The following CLVS1 variants were observed in gnomAD, a reference collection of about 807,000 sequenced individuals.
The protein encoded by CLVS1 is clavesin-1.
In CLVS1, 10 loss-of-function variants were observed where a neutral mutation model predicts 33.1. The ratio of observed to expected loss-of-function variants is 0.30; its 90% confidence interval spans 0.19 to 0.51. CLVS1 has a LOEUF of 0.51. Ranked by LOEUF, CLVS1 falls within the 20% of genes least tolerant of loss-of-function variation. The pLI is 0.97. For synonymous variants in CLVS1, 163 were observed against 166.1 expected, an observed-to-expected ratio of 0.98 and a Z score of 0.14; for missense variants, 343 against 433.4, an observed-to-expected ratio of 0.79 and a Z score of 1.85.
chr8:61,205,275 C>T (rs575824542), intron 2 of CLVS1, among the ~76,000 whole-genome samples: 2 of 152,214 alleles, frequency 1.3e-5, no homozygotes, highest in South Asian at 4.2e-4. Flanking sequence ...AATTGACATT[C>T]TGTACATTAA....
At chr8:61,244,051 G>A (rs1196988964) in intron 2 of CLVS1, among the ~76,000 whole-genome samples, 1 of 152,152 alleles carries the variant, frequency 6.6e-6, no homozygotes, top group Non-Finnish European at 1.5e-5. Flanking sequence ...AGAACGCACA[G>A]AGTGGTGAAA....
the CLVS1 span, among the ~76,000 whole-genome samples, chr8:60,990,852 G>A: frequency 1.3e-4 from 20 of 151,972 alleles, no homozygotes; most frequent in Non-Finnish European, 2.9e-4. Context: ...GGGATTACAG[G>A]CACCCACCAC....
chr8:61,091,333 T>C (rs114971420), intron 1 of CLVS1, among the ~76,000 whole-genome samples: 3 of 152,336 alleles, frequency 2.0e-5, no homozygotes, highest in African/African-American at 7.2e-5. Context: ...CATAGAGGAC[T>C]CATTTTGCTC....
the CLVS1 span, among the ~76,000 whole-genome samples, chr8:61,030,008 C>T: frequency 6.6e-6 from 1 of 152,136 alleles, no homozygotes. Flanking sequence ...TGCAAGAGTC[C>T]CAGGCGCCAC....
the CLVS1 span, among the ~76,000 whole-genome samples, chr8:61,013,942 C>T: frequency 0.2 from 30,684 of 152,070 alleles, 5,430 homozygotes; most frequent in African/African-American, 0.48. Flanking sequence ...AGACAGGCCT[C>T]GGGCCTCCTG....
intron 3 of CLVS1, among the ~76,000 whole-genome samples, chr8:61,417,364 C>T (rs1379903879): frequency 6.6e-5 from 10 of 152,142 alleles, no homozygotes; most frequent in East Asian, 1.9e-4. Context: ...TTCTCCCAGA[C>T]GTTTTTTTCT....
At chr8:61,270,639 G>C (rs554458773) in intron 2 of CLVS1, among the ~76,000 whole-genome samples, 10 of 152,270 alleles carry the variant, frequency 6.6e-5, no homozygotes, top group Non-Finnish European at 1.3e-4. Flanking sequence ...GAATCCATCT[G>C]TTCCTGGACT....
chr8:61,451,663 T>G (rs901591405), intron 3 of CLVS1, among the ~76,000 whole-genome samples: 8 of 150,684 alleles, frequency 5.3e-5, no homozygotes, highest in Non-Finnish European at 1.0e-4. Flanking sequence ...TGGGAGACTT[T>G]TGTGTGACTG....
At chr8:61,051,219 A>G in the CLVS1 span, among the ~76,000 whole-genome samples, 1 of 152,206 alleles carries the variant, frequency 6.6e-6, no homozygotes, top group African/African-American at 2.4e-5. Context: ...TGCTGTGCAA[A>G]GAGCTCTAAG....
intron 2 of CLVS1, among the ~76,000 whole-genome samples, chr8:61,217,323 A>T (rs2978536): frequency 0.63 from 96,398 of 152,066 alleles, 33,051 homozygotes; most frequent in East Asian, 0.97. Context: ...GCTATAGTGC[A>T]GATTGTGACT....
chr8:61,435,524 A>G (rs1035202099), intron 3 of CLVS1, among the ~76,000 whole-genome samples: 2 of 150,110 alleles, frequency 1.3e-5, no homozygotes, highest in Non-Finnish European at 2.9e-5. Flanking sequence ...TTACTAGAGC[A>G]TGATTCTTCT....
At chr8:61,466,339 A>G (rs1817546503) in intron 5 of CLVS1, among the ~76,000 whole-genome samples, 1 of 152,214 alleles carries the variant, frequency 6.6e-6, no homozygotes, top group Non-Finnish European at 1.5e-5. Context: ...GTCCAGCACA[A>G]CTGGAGACTT....
chr8:61,258,462 G>C (rs1260320704), intron 2 of CLVS1, among the ~76,000 whole-genome samples: 1 of 152,120 alleles, frequency 6.6e-6, no homozygotes, highest in Non-Finnish European at 1.5e-5. Flanking sequence ...ATATCAGGAG[G>C]ACCTTTCTGA....
intron 2 of CLVS1, among the ~76,000 whole-genome samples, chr8:61,267,181 C>T (rs185567601): frequency 1.3e-5 from 2 of 152,326 alleles, no homozygotes; most frequent in Admixed American, 1.3e-4. Flanking sequence ...CAGTCCTTCA[C>T]AGCATACCAC....
chr8:61,497,443 G>GGC (rs960324522), intron 5 of CLVS1, among the ~76,000 whole-genome samples: 17 of 2,538 alleles, frequency 6.7e-3, no homozygotes, highest in East Asian at 0.022. Flanking sequence ...GGTTTTTATT[G>GGC]GGGGGGGGGT....
In CLVS1 at chr8:61,318,236, G is replaced by C. The variant is rs919426677; in HGVS notation, c.455+17954G>C. The stretch of plus-strand genomic sequence containing the variant: ...AGTAATCTGGTTTTTCTCTCTAGTG[G>C]CTTTAACTTTTTCACTTGTTTGTGG... On this transcript the variant is annotated intron_variant, in intron 2 of 5. Transcript: ENST00000325897. 5.9e-5 allele frequency among the ~76,000 whole-genome samples: 9 copies of C among 152,198 alleles called. No homozygotes were observed. The Middle Eastern group carries it at 0.01, about 173-fold the overall frequency.
intron 3 of CLVS1, among the ~76,000 whole-genome samples, chr8:61,429,493 C>T (rs767075450): frequency 4.1e-5 from 6 of 144,930 alleles, no homozygotes; most frequent in Non-Finnish European, 7.5e-5. Context: ...ATCTTTTTAT[C>T]ATGAGCCCAC....
chr8:61,415,164 G>A (rs1815381846), intron 3 of CLVS1, among the ~76,000 whole-genome samples: 1 of 152,190 alleles, frequency 6.6e-6, no homozygotes, highest in African/African-American at 2.4e-5. Context: ...ACTTCTCTCT[G>A]TTTTTCTCTA....
chr8:61,234,259 G>T (rs11783318), intron 2 of CLVS1, among the ~76,000 whole-genome samples: 1 of 152,090 alleles, frequency 6.6e-6, no homozygotes, highest in African/African-American at 2.4e-5. Context: ...GACTGTGTGC[G>T]TGCGTATTCA....
Sources: gnomAD v4.1 joint callset for allele counts (sites outside exome capture counted in the v4.1 genomes callset) on GRCh38, gnomAD v4.1.1 for gene constraint, MANE v1.5 for transcripts, NCBI Gene and HGNC (gene_info 2026-07-23, HGNC 2026-07-21) for gene names.